The following ACSM1 variants were observed in gnomAD, a reference collection of about 807,000 sequenced individuals.
The protein encoded by ACSM1 is acyl-CoA synthetase medium chain family member 1.
A neutral mutation model predicts 75.8 loss-of-function variants in ACSM1; 79 were observed. That is an observed-to-expected ratio of 1.04 (90% confidence interval 0.87 to 1.26). The LOEUF (loss-of-function observed/expected upper bound fraction) is 1.26, where lower values mean the gene tolerates loss of function less well. Ranked by LOEUF, ACSM1 falls within the 50% of genes most tolerant of loss-of-function variation. ACSM1 has a pLI of 0.00. For missense variants in ACSM1, 676 were observed against 720.1 expected (o/e 0.94, Z 0.70); for synonymous variants, 279 against 265.8 (o/e 1.05, Z -0.48).
At chr16:20,631,822 A>G (rs2017364535) in intron 10 of ACSM1, among the ~76,000 whole-genome samples, 1 of 152,218 alleles carries the variant, frequency 6.6e-6, no homozygotes, top group Admixed American at 6.5e-5. Context: ...CTATGAAGGC[A>G]CAAAGGCAAA....
rs138822345 is a variant in ACSM1, at chr16:20,669,975, C to T, written c.764G>A (p.Arg255Gln). The T allele has an allele frequency of 3.9e-5, 63 of 1,613,670 alleles. No homozygotes were observed. In the Middle Eastern group the frequency reaches 5.0e-4, roughly 13 times the overall value. Residue 255 changes from arginine to glutamine, a missense_variant, in exon 6 of 14, where the codon CGG becomes CAG. Physicochemically the swap from Arg to Gln is conservative, Grantham distance 43. Transcript: ENST00000520010. ...GGAGACATCAGATGTCTTCAGGCTCCGTAATTTCCTACTAACTCCAAAATG... is the reference window on the plus strand; with the variant it reads ...GGAGACATCAGATGTCTTCAGGCTCTGTAATTTCCTACTAACTCCAAAATG... ...QPSFPGSRKL[R>Q]SLKTSDVSWC...
Position 20,672,345 on chromosome 16 carries a change from G to A in ACSM1, c.612-674C>T, listed in dbSNP as rs572337233. Among the ~76,000 whole-genome samples, 3 of 147,890 alleles carry A rather than the reference G, an allele frequency of 2.0e-5. No homozygotes were observed. In the East Asian group the frequency reaches 6.0e-4, roughly 30 times the overall value. ...CGCTTATACTCCCAGCTACTCGGGA[G>A]GCTGAGCCAGGAGATTAGTTGTGAA... On this transcript the variant is annotated intron_variant, in intron 4 of 13. Transcript: ENST00000520010.
intron 13 of ACSM1, 23 bp downstream of exon 13, chr16:20,624,073 C>A (rs1312266161): frequency 6.8e-6 from 11 of 1,609,372 alleles, no homozygotes; most frequent in Non-Finnish European, 9.3e-6. Flanking sequence ...GCCACCAGAT[C>A]CCTTCCATCT....
intron 10 of ACSM1, among the ~76,000 whole-genome samples, chr16:20,630,385 T>A (rs1310481223): frequency 6.6e-6 from 1 of 152,060 alleles, no homozygotes; most frequent in Non-Finnish European, 1.5e-5. Context: ...CGATGCCCGG[T>A]CAAAATAAAG....
Position 20,625,430 on chromosome 16 carries a change from C to A in ACSM1, c.1520G>T (p.Arg507Leu). The change falls in exon 12 of 14, where the codon CGA (arginine) becomes CTA (leucine). Residue 507 changes from arginine to leucine, a missense_variant. Transcript: ENST00000520010. ...TCTCTGTGTTCTCCTCACCTCCCCTCGAATCGGGTCTGGGCTGCCCACCAC... is the reference window on the plus strand; with the variant it reads ...TCTCTGTGTTCTCCTCACCTCCCCTAGAATCGGGTCTGGGCTGCCCACCAC... Reference protein sequence around the residue: ...SAVVGSPDPIRGEVVKAFIVL... With the variant: ...SAVVGSPDPILGEVVKAFIVL... 6.2e-7 allele frequency: 1 copy of A among 1,614,022 alleles called. No homozygotes were observed. Among genetic ancestry groups the A allele is most frequent in the Non-Finnish European group, 8.5e-7 (1 of 1,180,004 alleles).
chr16:20,657,099 A>G (rs1397777796), intron 7 of ACSM1, among the ~76,000 whole-genome samples: 1 of 152,166 alleles, frequency 6.6e-6, no homozygotes, highest in Non-Finnish European at 1.5e-5. Context: ...AGTTGTGAAG[A>G]TAAATATGTC....
At chr16:20,650,425 C>T (rs960773381) in intron 7 of ACSM1, among the ~76,000 whole-genome samples, 7 of 152,060 alleles carry the variant, frequency 4.6e-5, no homozygotes, top group Non-Finnish European at 8.8e-5. Flanking sequence ...CGTGCAGCGG[C>T]CCTACAGGGA....
intron 12 of ACSM1, among the ~76,000 whole-genome samples, chr16:20,624,876 CCTGG>C (rs2016820032): frequency 6.6e-6 from 1 of 151,686 alleles, no homozygotes; most frequent in African/African-American, 2.4e-5. Flanking sequence ...CCCCACCACA[CCTGG>C]CTAATTTTTT....
chr16:20,630,177 T>C (rs1030396848), intron 10 of ACSM1, among the ~76,000 whole-genome samples: 2 of 151,034 alleles, frequency 1.3e-5, no homozygotes, highest in Non-Finnish European at 2.9e-5. Flanking sequence ...TGGAGTGCAA[T>C]GGCACGATCT....
intron 10 of ACSM1, among the ~76,000 whole-genome samples, chr16:20,634,017 T>C (rs1048563288): frequency 2.2e-4 from 33 of 152,198 alleles, no homozygotes; most frequent in African/African-American, 7.7e-4. Context: ...CAGTGTGGTA[T>C]TGGCATAAAG....
In ACSM1 at chr16:20,671,593, T is replaced by C. The variant is rs2152271926; in HGVS notation, c.690A>G (p.Thr230=). ...PMVIFFTSGT[T]GFPKMAKHSH... ...AGTGTTTTGCCATCTTGGGGAAGCC[T>C]GTGGTCCCACTGGTGAAGAAGATGA... The change falls in exon 5 of 14, where the codon ACA becomes ACG. Residue 230 remains threonine (T), a synonymous_variant. Transcript: ENST00000520010. The C allele has an allele frequency of 6.2e-7, 1 of 1,613,898 alleles. No individual in the cohort carries two copies. The highest frequency in any genetic ancestry group is 1.1e-5 in the South Asian group (1 of 91,030).
chr16:20,627,138 C>T (rs781147266), intron 11 of ACSM1, 51 bp downstream of exon 11: 11 of 1,476,572 alleles, frequency 7.4e-6, no homozygotes, highest in Non-Finnish European at 9.8e-6. Flanking sequence ...AGCAAAATTC[C>T]GTGAGGCATG....
chr16:20,627,506 T>C (rs920471554), intron 10 of ACSM1, among the ~76,000 whole-genome samples, 190 bp from the exon 11 acceptor site: 2 of 152,150 alleles, frequency 1.3e-5, no homozygotes, highest in Non-Finnish European at 1.5e-5. Flanking sequence ...TGAGTGGTTG[T>C]GATTAAACCA....
intron 3 of ACSM1, among the ~76,000 whole-genome samples, chr16:20,684,421 A>G (rs2152316792): frequency 6.6e-6 from 1 of 152,378 alleles, no homozygotes; most frequent in African/African-American, 2.4e-5. Context: ...GTGATAAAAC[A>G]GTATAACTGA....
At chr16:20,636,192 T>G (rs1183674356) in intron 10 of ACSM1, among the ~76,000 whole-genome samples, 2 of 152,238 alleles carry the variant, frequency 1.3e-5, no homozygotes, top group Non-Finnish European at 2.9e-5. Context: ...TTCCTCTTTG[T>G]GGCCATTCCT....
At chr16:20,635,161 G>A (rs1307306972) in intron 10 of ACSM1, among the ~76,000 whole-genome samples, 2 of 152,194 alleles carry the variant, frequency 1.3e-5, no homozygotes, top group Admixed American at 1.3e-4. Context: ...TTGGGAGGCT[G>A]AGGCAGGGGG....
chr16:20,660,000 G>A (rs990850748), intron 7 of ACSM1, among the ~76,000 whole-genome samples: 21 of 152,102 alleles, frequency 1.4e-4, no homozygotes, highest in African/African-American at 3.6e-4. Flanking sequence ...GATGTCTCAC[G>A]CCTCCCTAAA....
At chr16:20,629,145 G>A (rs2017184170) in intron 10 of ACSM1, among the ~76,000 whole-genome samples, 1 of 152,118 alleles carries the variant, frequency 6.6e-6, no homozygotes, top group South Asian at 2.1e-4. Context: ...GGGAGACTAT[G>A]AGAAAATTGT....
intron 7 of ACSM1, among the ~76,000 whole-genome samples, chr16:20,645,491 C>T (rs1211554087): frequency 6.6e-6 from 1 of 152,200 alleles, no homozygotes; most frequent in Non-Finnish European, 1.5e-5. Context: ...GCTAAATTCT[C>T]AGATAACCCT....
Sources: gnomAD v4.1 joint callset for allele counts (sites outside exome capture counted in the v4.1 genomes callset) on GRCh38, gnomAD v4.1.1 for gene constraint, MANE v1.5 for transcripts, NCBI Gene and HGNC (gene_info 2026-07-23, HGNC 2026-07-21) for gene names.